The following TESK2 variants were observed in gnomAD, a reference collection of about 807,000 sequenced individuals.
TESK2 encodes testis associated actin remodelling kinase 2.
In TESK2, 39 loss-of-function variants were observed where a neutral mutation model predicts 57.1. The ratio of observed to expected loss-of-function variants is 0.68; its 90% CI spans 0.53 to 0.89. The LOEUF (loss-of-function observed/expected upper bound fraction) is 0.89. Ranked by LOEUF, TESK2 falls within the 40% of genes least tolerant of loss-of-function variation. The pLI is 0.00. For synonymous variants in TESK2, 249 were observed against 267.9 expected, an observed-to-expected ratio of 0.93 and a Z score of 0.69; for missense variants, 646 against 732.1, an observed-to-expected ratio of 0.88 and a Z score of 1.36.
chr1:45,346,888 G>A, intron 8 of TESK2, 91 bp downstream of exon 8: 1 of 1,548,660 alleles, frequency 6.5e-7, no homozygotes. Flanking sequence ...CAGCAACAGA[G>A]AGTTCCAGCA....
In TESK2 at chr1:45,378,575, T is replaced by C. The variant is rs143695111; in HGVS notation, c.393+7337A>G. On this transcript the variant is annotated intron_variant, in intron 4 of 10. Coordinates refer to ENST00000372086, the MANE Select transcript of TESK2 (RefSeq NM_007170.3). ...GCAAATGAAGAAGCCATCTTGGAAA[T>C]GGATTTGCCAGCTCAGTCACTCCAG... Among the ~76,000 whole-genome samples the C allele has an allele frequency of 5.2e-3, 791 of 152,214 alleles. 7 individuals are homozygous for C. Among genetic ancestry groups the C allele is most frequent in the African/African-American group, 0.018 (749 of 41,508 alleles).
chr1:45,354,274 G>A (rs1173376110), intron 5 of TESK2, among the ~76,000 whole-genome samples: 4 of 151,890 alleles, frequency 2.6e-5, no homozygotes, highest in Non-Finnish European at 5.9e-5. Context: ...GTGACTGCTT[G>A]AGCTCACAAG....
At chr1:45,469,002 T>C (rs1183123812) in intron 1 of TESK2, among the ~76,000 whole-genome samples, 1 of 152,232 alleles carries the variant, frequency 6.6e-6, no homozygotes, top group Non-Finnish European at 1.5e-5. Context: ...AACTATGTTC[T>C]CAACTTAAAT....
intron 1 of TESK2, among the ~76,000 whole-genome samples, chr1:45,463,605 A>T (rs1163793895): frequency 6.6e-6 from 1 of 151,880 alleles, no homozygotes. Flanking sequence ...TTGTTTTGAG[A>T]CAGGGTCTCA....
At chr1:45,377,543 C>T (rs933181034) in intron 4 of TESK2, among the ~76,000 whole-genome samples, 5 of 150,758 alleles carry the variant, frequency 3.3e-5, no homozygotes, top group African/African-American at 1.2e-4. Context: ...CTTAGCCTCC[C>T]GAGTAGCTGG....
chr1:45,356,525 A>C (rs1205989485), intron 4 of TESK2, among the ~76,000 whole-genome samples: 1 of 151,800 alleles, frequency 6.6e-6, no homozygotes, highest in East Asian at 1.9e-4. Context: ...CTACATGGGA[A>C]GATCGCCTGA....
intron 4 of TESK2, among the ~76,000 whole-genome samples, chr1:45,373,288 A>G (rs1244378680): frequency 6.6e-6 from 1 of 152,240 alleles, no homozygotes; most frequent in African/African-American, 2.4e-5. Context: ...GATGTAAGAT[A>G]AATGATTCAA....
intron 3 of TESK2, among the ~76,000 whole-genome samples, chr1:45,402,174 G>C (rs1045398585): frequency 6.6e-6 from 1 of 151,092 alleles, no homozygotes; most frequent in Admixed American, 6.6e-5. Context: ...AGGACCACTT[G>C]AGGCCAGGAG....
intron 3 of TESK2, among the ~76,000 whole-genome samples, chr1:45,386,864 G>A (rs1258529295): frequency 6.6e-6 from 1 of 152,092 alleles, no homozygotes; most frequent in Non-Finnish European, 1.5e-5. Context: ...ATGTTGGCCA[G>A]GATGGTCTCA....
At chr1:45,345,594 T>G (rs745732736) in intron 10 of TESK2, 36 bp from the exon 11 acceptor site, 1 of 1,544,452 alleles carries the variant, frequency 6.5e-7, no homozygotes, top group Non-Finnish European at 8.9e-7. Context: ...CTCTCACTAG[T>G]CATAACAAAT....
In TESK2 at chr1:45,344,814, C is replaced by T. The variant is rs374156096; in HGVS notation, c.*26G>A. 3.2e-6 allele frequency: 5 copies of T among 1,585,994 alleles called. No homozygotes were observed. The highest frequency in any genetic ancestry group is 4.3e-6 in the Non-Finnish European group (5 of 1,162,342). ...ATGGTTTCAGCTGAAGGTCCATCCC[C>T]AAGGTGAGGCAGGGACTAAACCCCC... On this transcript the variant is annotated 3_prime_UTR_variant, in exon 11 of 11. Transcript: ENST00000372086.
Position 45,346,799 on chromosome 1 carries a change from G to A in TESK2, c.793-20C>T. 1 of 1,609,060 alleles carries A rather than the reference G, an allele frequency of 6.2e-7. No individual in the cohort carries two copies. The highest frequency in any genetic ancestry group is 8.5e-7 in the Non-Finnish European group (1 of 1,175,574). ...GAAATTCTGTGGATGGGTATGGAAA[G>A]CATAGGTAGACAGTTCATTAATCCC... On this transcript the variant is annotated intron_variant, in intron 8 of 10. Coordinates refer to ENST00000372086, the MANE Select transcript of TESK2 (RefSeq NM_007170.3).
At chr1:45,425,718 C>T (rs1300886088) in intron 2 of TESK2, among the ~76,000 whole-genome samples, 3 of 151,934 alleles carry the variant, frequency 2.0e-5, no homozygotes, top group Non-Finnish European at 2.9e-5. Context: ...ACTAAAGATA[C>T]AAAAAAATGG....
intron 3 of TESK2, among the ~76,000 whole-genome samples, chr1:45,390,888 G>A (rs555423236): frequency 6.2e-4 from 92 of 149,554 alleles, no homozygotes; most frequent in Admixed American, 5.4e-3. Context: ...GCTTACAGGC[G>A]TGAGCCATTG....
At chr1:45,414,186 T>C (rs1454876060) in intron 3 of TESK2, among the ~76,000 whole-genome samples, 2 of 152,154 alleles carry the variant, frequency 1.3e-5, no homozygotes, top group Non-Finnish European at 2.9e-5. Context: ...CTTCAAAATA[T>C]ATAGTGAAAG....
chr1:45,413,105 G>C (rs1451917263), intron 3 of TESK2, among the ~76,000 whole-genome samples: 2 of 152,210 alleles, frequency 1.3e-5, no homozygotes, highest in Non-Finnish European at 2.9e-5. Context: ...TTGAGCATAA[G>C]ACTTCCTGGC....
At chr1:45,489,135 G>GA (rs34912233) in intron 1 of TESK2, among the ~76,000 whole-genome samples, 59,467 of 134,014 alleles carry the variant, frequency 0.44, 12,407 homozygotes, top group East Asian at 0.59. Flanking sequence ...TGACACCAAA[G>GA]AAAAAAAAAA....
chr1:45,427,772 G>A (rs1277610795), intron 2 of TESK2, among the ~76,000 whole-genome samples: 1 of 152,190 alleles, frequency 6.6e-6, no homozygotes, highest in African/African-American at 2.4e-5. Context: ...GAAGGGTAGT[G>A]TGGGGTGTGG....
chr1:45,356,915 C>T (rs1206289098), intron 4 of TESK2, among the ~76,000 whole-genome samples: 5 of 152,000 alleles, frequency 3.3e-5, no homozygotes, highest in Admixed American at 6.6e-5. Context: ...GAAGGACGGC[C>T]GGGCGCAATG....
Sources: allele counts gnomAD v4.1 joint callset (sites outside exome capture counted in the v4.1 genomes callset), GRCh38; gene constraint gnomAD v4.1.1; transcripts MANE v1.5; gene names NCBI Gene and HGNC (gene_info 2026-07-23, HGNC 2026-07-21).